The following ELFN1 variants were observed in gnomAD, a reference collection of about 807,000 sequenced individuals.
ELFN1 encodes the protein protein ELFN1.
A neutral mutation model predicts 7.6 loss-of-function variants in ELFN1; 6 were observed. That is an observed-to-expected ratio of 0.79 (90% CI 0.43 to 1.56). The LOEUF is 1.56. Ranked by LOEUF, ELFN1 falls within the 40% of genes most tolerant of loss-of-function variation. The probability of loss-of-function intolerance (pLI) is 0.01; values close to 1 mark genes in which losing one functional copy is unlikely to be tolerated. For missense variants in ELFN1, 1,169 were observed against 1,232.2 expected, an observed-to-expected ratio of 0.95 and a Z score of 0.77; for synonymous variants, 657 against 588.1, an observed-to-expected ratio of 1.12 and a Z score of -1.70.
chr7:1,729,464 C>A (rs1780279771), intron 3 of ELFN1, among the ~76,000 whole-genome samples: 5 of 152,196 alleles, frequency 3.3e-5, no homozygotes, highest in Non-Finnish European at 5.9e-5. Flanking sequence ...GGGACCACAC[C>A]CCCCACCACC....
chr7:1,690,036 C>A lies in ELFN1; in HGVS notation c.-456+1886C>A, dbSNP rs539716879. On this transcript the variant is annotated intron_variant, in intron 2 of 3. Coordinates refer to ENST00000424383, the MANE Select transcript of ELFN1 (RefSeq NM_001128636.4). ...TGGCACATTCCCTTCTTGACATATGCATCATCAGATGGAGGGGTGGATGAA... is the reference window on the plus strand; with the variant it reads ...TGGCACATTCCCTTCTTGACATATGAATCATCAGATGGAGGGGTGGATGAA... Among the ~76,000 whole-genome samples, 10 of 152,260 alleles carry A rather than the reference C, an allele frequency of 6.6e-5. No individual in the cohort carries two copies. The East Asian group carries it at 1.9e-3, about 29-fold the overall frequency.
chr7:1,723,967 C>G (rs1050896120), intron 3 of ELFN1, among the ~76,000 whole-genome samples: 1 of 152,208 alleles, frequency 6.6e-6, no homozygotes, highest in Non-Finnish European at 1.5e-5. Context: ...CGGAAACATG[C>G]CCACGCTGAC....
rs1778749815 is a variant in ELFN1, at chr7:1,670,807, C to T, written c.-549+453C>T. On this transcript the variant is annotated intron_variant, in intron 1 of 3. Transcript: ENST00000424383. The surrounding 1 kb of genome is among the most constrained non-coding windows in gnomAD (Gnocchi z 6.4). ...TGACCCCTCCCCAGGCTCGCATCGC[C>T]CTCCCTGCTGGGCCGCCCTCCCCCC... is the stretch of plus-strand genomic sequence containing the variant. Among the ~76,000 whole-genome samples, 1 of 152,202 alleles carries T rather than the reference C, an allele frequency of 6.6e-6. No individual in the cohort carries two copies. The highest frequency in any genetic ancestry group is 2.4e-5 in the African/African-American group (1 of 41,458).
chr7:1,732,646 G>C (rs1780348224), intron 3 of ELFN1, among the ~76,000 whole-genome samples: 1 of 152,204 alleles, frequency 6.6e-6, no homozygotes, highest in Non-Finnish European at 1.5e-5. Flanking sequence ...TTGGTAGACA[G>C]AGGCGGGTGT....
chr7:1,695,613 G>C lies in ELFN1; in HGVS notation c.-456+7463G>C, dbSNP rs2128582033. On this transcript the variant is annotated intron_variant, in intron 2 of 3. Transcript: ENST00000424383. This position sits in a 1 kb window ranked among gnomAD's most constrained non-coding sequence, Gnocchi z 5.1. ...AATACAAAAATTAGCCGGGCGTTGT[G>C]GTGGACACCTGTAATCCCAGTTACT... 6.6e-6 allele frequency among the ~76,000 whole-genome samples: 1 copy of C among 152,088 alleles called. No individual in the cohort carries two copies. The highest frequency in any genetic ancestry group is 2.1e-4 in the South Asian group (1 of 4,818).
In ELFN1 at chr7:1,747,022, A is replaced by G; in HGVS notation, c.2426A>G (p.Asp809Gly). The G allele has an allele frequency of 6.4e-7, 1 of 1,561,448 alleles. No homozygotes were observed. Among genetic ancestry groups the G allele is most frequent in the Non-Finnish European group, 8.7e-7 (1 of 1,153,562 alleles). Residue 809 changes from aspartate to glycine, a missense_variant, in exon 4 of 4, where the codon GAC (aspartate) becomes GGC (glycine). Coordinates refer to ENST00000424383, the MANE Select transcript of ELFN1 (RefSeq NM_001128636.4). The part of the protein sequence containing the change: ...ALRKKVQFAK[D>G]EDLHDILDYW... ...CGCAAGAAGGTTCAGTTCGCCAAAG[A>G]CGAGGATCTGCACGACATCCTGGAC... is the stretch of plus-strand genomic sequence containing the variant.
chr7:1,690,595 G>C (rs2128579801), intron 2 of ELFN1, among the ~76,000 whole-genome samples: 1 of 151,470 alleles, frequency 6.6e-6, no homozygotes, highest in South Asian at 2.1e-4. Context: ...TAGGTGGGTG[G>C]ATGGATGGAT....
At chr7:1,707,402 C>G (rs1362439095) in intron 2 of ELFN1, among the ~76,000 whole-genome samples, 4 of 152,264 alleles carry the variant, frequency 2.6e-5, no homozygotes, top group South Asian at 2.1e-4. Context: ...GCGTTCCTGC[C>G]TCTCCCTGGG....
chr7:1,719,222 C>T (rs1180329892), intron 3 of ELFN1, among the ~76,000 whole-genome samples: 1 of 147,204 alleles, frequency 6.8e-6, no homozygotes, highest in Non-Finnish European at 1.5e-5. Context: ...CGCCCACCAA[C>T]AGGACCCAAG....
chr7:1,727,742 G>A (rs2128596922), intron 3 of ELFN1, among the ~76,000 whole-genome samples: 1 of 152,284 alleles, frequency 6.6e-6, no homozygotes, highest in Non-Finnish European at 1.5e-5. Flanking sequence ...CCAAGCAGGT[G>A]AGACTACAGG....
chr7:1,725,382 C>T (rs889480238), intron 3 of ELFN1, among the ~76,000 whole-genome samples: 12 of 149,624 alleles, frequency 8.0e-5, no homozygotes, highest in African/African-American at 1.7e-4. Context: ...AGGGCGCAGG[C>T]GAGGCCGGTG....
chr7:1,743,838 C>T (rs1483017178), intron 3 of ELFN1, among the ~76,000 whole-genome samples: 7 of 152,152 alleles, frequency 4.6e-5, no homozygotes, highest in Admixed American at 6.5e-5. Flanking sequence ...GGCCTTCACA[C>T]GCACATCCCT....
At chr7:1,712,725 C>T (rs569715616) in intron 3 of ELFN1, among the ~76,000 whole-genome samples, 51 of 152,346 alleles carry the variant, frequency 3.3e-4, no homozygotes, top group African/African-American at 1.2e-3. Flanking sequence ...AGCCACCACA[C>T]CCAGGCTTTC....
At chr7:1,701,088 TGC>T (rs1476223169) in intron 2 of ELFN1, among the ~76,000 whole-genome samples, 1 of 151,440 alleles carries the variant, frequency 6.6e-6, no homozygotes, top group Non-Finnish European at 1.5e-5. Flanking sequence ...CGTGTGTGTG[TGC>T]GCGTGTGTGT....
At chr7:1,696,175 A>AGT (rs140207256) in intron 2 of ELFN1, among the ~76,000 whole-genome samples, 4,448 of 148,038 alleles carry the variant, frequency 0.03, 183 homozygotes, top group African/African-American at 0.099. Context: ...AGAGAGAGAG[A>AGT]GTGTGTGTGT....
rs1318274302 is a variant in ELFN1, at chr7:1,735,633, G to T, written c.-293-8671G>T. On this transcript the variant is annotated intron_variant, in intron 3 of 3. Transcript: ENST00000424383. This position sits in a 1 kb window ranked among gnomAD's most constrained non-coding sequence, Gnocchi z 5.9. Reference sequence around the variant, plus strand: ...CTGGGTCTGGGGGAGCCATGAGGGAGCCCCCAGAGCTGGTGAGATCCCTCA... The same window carrying T: ...CTGGGTCTGGGGGAGCCATGAGGGATCCCCCAGAGCTGGTGAGATCCCTCA... Among the ~76,000 whole-genome samples the T allele has an allele frequency of 6.6e-6, 1 of 152,234 alleles. No individual in the cohort carries two copies. Among genetic ancestry groups the T allele is most frequent in the Admixed American group, 6.5e-5 (1 of 15,304 alleles).
intron 3 of ELFN1, among the ~76,000 whole-genome samples, chr7:1,724,836 G>A (rs6968884): frequency 5.9e-5 from 9 of 152,090 alleles, no homozygotes; most frequent in South Asian, 2.1e-4. Flanking sequence ...CCCACCTCCC[G>A]TCCTGCACCC....
At chr7:1,715,400 A>G (rs1488662003) in intron 3 of ELFN1, among the ~76,000 whole-genome samples, 3 of 152,096 alleles carry the variant, frequency 2.0e-5, no homozygotes, top group Non-Finnish European at 4.4e-5. Context: ...GCCCGGCACA[A>G]GGGCACCCCC....
chr7:1,742,022 G>T (rs933148897), intron 3 of ELFN1, among the ~76,000 whole-genome samples: 2 of 152,144 alleles, frequency 1.3e-5, no homozygotes, highest in Middle Eastern at 3.2e-3. Flanking sequence ...GTACAAACAC[G>T]TGTGTGGGTG....
Sources: allele counts gnomAD v4.1 joint callset (sites outside exome capture counted in the v4.1 genomes callset), GRCh38; gene constraint gnomAD v4.1.1; non-coding constraint Gnocchi (gnomAD v3.1); transcripts MANE v1.5; gene names NCBI Gene and HGNC (gene_info 2026-07-23, HGNC 2026-07-21).